The following ADAMTS6 variants were observed in gnomAD, a reference collection of about 807,000 sequenced individuals.
ADAMTS6 encodes the protein A disintegrin and metalloproteinase with thrombospondin motifs 6.
In ADAMTS6, 23 loss-of-function variants were observed where a neutral mutation model predicts 144.3. The ratio of observed to expected loss-of-function variants is 0.16; its 90% CI spans 0.11 to 0.23. The LOEUF is 0.23. ADAMTS6 is among the 10% of genes least tolerant of loss of function. The pLI is 1.00. For synonymous variants in ADAMTS6, 444 were observed against 457.5 expected, an observed-to-expected ratio of 0.97 and a Z score of 0.38; for missense variants, 999 against 1,379.6, an observed-to-expected ratio of 0.72 and a Z score of 4.37.
At chr5:65,276,582 C>A (rs760387650) in intron 11 of ADAMTS6, among the ~76,000 whole-genome samples, 1 of 152,304 alleles carries the variant, frequency 6.6e-6, no homozygotes, top group Non-Finnish European at 1.5e-5. Context: ...AACTTGAGAT[C>A]AATTCCACAC....
At chr5:65,335,947 AAAAAG>A (rs1747265613) in intron 7 of ADAMTS6, among the ~76,000 whole-genome samples, 1 of 152,124 alleles carries the variant, frequency 6.6e-6, no homozygotes, top group Non-Finnish European at 1.5e-5. Flanking sequence ...CAGATTAAAA[AAAAAG>A]AAAAGTAAAA....
rs1304815957 is a variant in ADAMTS6, at chr5:65,438,630, A to G, written c.1073+12845T>C. On this transcript the variant is annotated intron_variant, in intron 7 of 24. Transcript: ENST00000381055. ...AACTATAGTTGAATCCATCTCCCACACAAGAAAATATCTGCTATTATATCT... is the reference window on the plus strand; with the variant it reads ...AACTATAGTTGAATCCATCTCCCACGCAAGAAAATATCTGCTATTATATCT... 8.5e-5 allele frequency among the ~76,000 whole-genome samples: 13 copies of G among 152,176 alleles called. No individual in the cohort carries two copies. The South Asian group carries it at 2.7e-3, about 31-fold the overall frequency.
intron 7 of ADAMTS6, chr5:65,415,650 G>A (rs1430873295): frequency 3.4e-6 from 1 of 291,584 alleles, no homozygotes; most frequent in Non-Finnish European, 6.8e-6. Context: ...GCTCTCTCAA[G>A]GATGAGGTTT....
In ADAMTS6 at chr5:65,148,934, C is replaced by T. The variant is rs1204929090; in HGVS notation, c.*2902G>A. Reference sequence around the variant, plus strand: ...TAATTTACAAAAGCAAAAAAATTAACAGTGTACCACATTATTACTGAGTAT... The same window carrying T: ...TAATTTACAAAAGCAAAAAAATTAATAGTGTACCACATTATTACTGAGTAT... On this transcript the variant is annotated 3_prime_UTR_variant, in exon 25 of 25. Transcript: ENST00000381055. 2 of 152,564 alleles carry T rather than the reference C, an allele frequency of 1.3e-5. No homozygotes were observed. Among genetic ancestry groups the T allele is most frequent in the African/African-American group, 4.8e-5 (2 of 41,428 alleles). 9.5% of individuals were successfully genotyped at this position (152,564 alleles called of 1,614,324 possible).
chr5:65,307,603 T>C (rs1047632161), intron 9 of ADAMTS6, among the ~76,000 whole-genome samples: 1 of 152,200 alleles, frequency 6.6e-6, no homozygotes, highest in Non-Finnish European at 1.5e-5. Flanking sequence ...AATTCACATA[T>C]ACAGCAAGGC....
chr5:65,408,397 A>G (rs12187357), intron 7 of ADAMTS6, among the ~76,000 whole-genome samples: 56,021 of 151,992 alleles, frequency 0.37, 10,837 homozygotes, highest in South Asian at 0.44. Flanking sequence ...CAAAAGAGAC[A>G]AAGAAGGCCA....
At chr5:65,266,257 A>T (rs1381795793) in intron 12 of ADAMTS6, among the ~76,000 whole-genome samples, 1 of 151,924 alleles carries the variant, frequency 6.6e-6, no homozygotes, top group Non-Finnish European at 1.5e-5. Context: ...TACAATATTC[A>T]CTTCGTAAAA....
intron 9 of ADAMTS6, among the ~76,000 whole-genome samples, chr5:65,316,131 C>T (rs560120342): frequency 2.0e-3 from 298 of 152,196 alleles, no homozygotes; most frequent in African/African-American, 6.5e-3. Context: ...AGGCTGGTTT[C>T]GAACTCCTGA....
intron 7 of ADAMTS6, among the ~76,000 whole-genome samples, chr5:65,400,532 T>G (rs1753831328): frequency 1.3e-5 from 2 of 152,226 alleles, no homozygotes. Flanking sequence ...TTTCTTATTC[T>G]GTGATTTTCT....
intron 9 of ADAMTS6, among the ~76,000 whole-genome samples, chr5:65,325,346 G>A (rs779234625): frequency 2.2e-4 from 33 of 152,012 alleles, no homozygotes; most frequent in Non-Finnish European, 2.9e-4. Flanking sequence ...AACTATTCTA[G>A]AAAATATTTC....
At chr5:65,417,213 T>C (rs914347304) in intron 7 of ADAMTS6, among the ~76,000 whole-genome samples, 5 of 152,134 alleles carry the variant, frequency 3.3e-5, no homozygotes, top group Admixed American at 6.5e-5. Flanking sequence ...AAACTAGGCA[T>C]TGAAGGAATA....
chr5:65,364,530 G>C (rs913227044), intron 7 of ADAMTS6, among the ~76,000 whole-genome samples: 1 of 146,128 alleles, frequency 6.8e-6, no homozygotes, highest in African/African-American at 2.5e-5. Context: ...CTTTTGTTAA[G>C]TTATTGACTA....
At chr5:65,270,758 T>C (rs1580248803) in intron 12 of ADAMTS6, among the ~76,000 whole-genome samples, 1 of 152,314 alleles carries the variant, frequency 6.6e-6, no homozygotes, top group Non-Finnish European at 1.5e-5. Flanking sequence ...TACACTCTTA[T>C]GTTGTGAATA....
chr5:65,191,741 C>G (rs1001353057), intron 21 of ADAMTS6, among the ~76,000 whole-genome samples: 1 of 151,654 alleles, frequency 6.6e-6, no homozygotes, highest in African/African-American at 2.4e-5. Context: ...GAAAGTGAAA[C>G]TAATATTAAG....
intron 14 of ADAMTS6, among the ~76,000 whole-genome samples, chr5:65,246,197 C>A (rs1759620501): frequency 6.6e-6 from 1 of 152,106 alleles, no homozygotes; most frequent in African/African-American, 2.4e-5. Context: ...TGTCCTATAA[C>A]CCAATTATCC....
At chr5:65,407,481 C>T (rs538817331) in intron 7 of ADAMTS6, among the ~76,000 whole-genome samples, 70 of 144,136 alleles carry the variant, frequency 4.9e-4, no homozygotes, top group Non-Finnish European at 9.3e-4. Flanking sequence ...AATGCTATCC[C>T]TCCTCCCTCC....
rs184716403 is a variant in ADAMTS6, at chr5:65,341,512, T to C, written c.1074-7427A>G. Among the ~76,000 whole-genome samples the C allele has an allele frequency of 4.5e-3, 685 of 151,604 alleles. 4 individuals are homozygous for C. The highest frequency in any genetic ancestry group is 0.015 in the African/African-American group (637 of 41,380). The stretch of plus-strand genomic sequence containing the variant: ...ATAATATCTCAGAAATAAAAAAAAG[T>C]GATGCCACAACAGACACCACAGAAA... On this transcript the variant is annotated intron_variant, in intron 7 of 24. Transcript: ENST00000381055.
chr5:65,454,890 C>T (rs553783775), intron 4 of ADAMTS6, among the ~76,000 whole-genome samples: 1 of 152,320 alleles, frequency 6.6e-6, no homozygotes, highest in South Asian at 2.1e-4. Flanking sequence ...GCAGATGACC[C>T]ATCCATGCAC....
At chr5:65,404,930 G>A (rs1402517421) in intron 7 of ADAMTS6, among the ~76,000 whole-genome samples, 2 of 152,194 alleles carry the variant, frequency 1.3e-5, no homozygotes, top group East Asian at 1.9e-4. Flanking sequence ...TCTGTTGGCT[G>A]CATAAATGTC....
Sources: gnomAD v4.1 joint callset for allele counts (sites outside exome capture counted in the v4.1 genomes callset) on GRCh38, gnomAD v4.1.1 for gene constraint, MANE v1.5 for transcripts, NCBI Gene and HGNC (gene_info 2026-07-23, HGNC 2026-07-21) for gene names.